Variants in ERICH5 observed in about 807,000 individuals in gnomAD.
ERICH5 encodes the protein glutamate-rich protein 5.
A neutral mutation model predicts 28.0 loss-of-function variants in ERICH5; 24 were observed. The observed-to-expected ratio is 0.86, with a 90% confidence interval of 0.62 to 1.21. ERICH5 has a LOEUF of 1.21. Ranked by LOEUF, ERICH5 falls within the 50% of genes most tolerant of loss-of-function variation. The pLI, the probability that ERICH5 is intolerant of heterozygous loss-of-function variation, is 0.00. For synonymous variants in ERICH5, 163 were observed against 157.6 expected, an observed-to-expected ratio of 1.03 and a Z score of -0.25; for missense variants, 421 against 441.2, an observed-to-expected ratio of 0.95 and a Z score of 0.41.
rs569050980 is a variant in ERICH5, at chr8:98,090,589, C to G, written c.1012+560C>G. Among the ~76,000 whole-genome samples the G allele has an allele frequency of 4.1e-5, 6 of 146,954 alleles. No homozygotes were observed. In the East Asian group the frequency reaches 1.2e-3, roughly 29 times the overall value. On this transcript the variant is annotated intron_variant, in intron 2 of 2. Transcript: ENST00000318528. ...ACCTGCCTGGGCAACATAGTGAGAC[C>G]TTGTTCTCCAGAAAAAAAAAAAAAA...
rs779606450 is a variant in ERICH5, at chr8:98,089,126, G to A, written c.109G>A (p.Ala37Thr). Residue 37 changes from alanine to threonine, a missense_variant, in exon 2 of 3, where the codon GCC becomes ACC. Coordinates refer to ENST00000318528, the MANE Select transcript of ERICH5 (RefSeq NM_173549.3). Reference protein sequence around the residue: ...STAEESESCFAQPKPHALGRE... With the variant: ...STAEESESCFTQPKPHALGRE... The stretch of plus-strand genomic sequence containing the variant: ...TGCAGAAGAAAGTGAGTCCTGCTTT[G>A]CCCAACCAAAGCCACATGCACTGGG... 5 of 1,614,012 alleles carry A rather than the reference G, an allele frequency of 3.1e-6. No individual in the cohort carries two copies. The Admixed American group carries it at 8.3e-5, about 27-fold the overall frequency.
At position 98,068,990 on chromosome 8, in the gene ERICH5, A is replaced by G. The variant is rs1212281542; in HGVS notation, c.58+4263A>G. Among the ~76,000 whole-genome samples the G allele has an allele frequency of 2.6e-5, 4 of 152,212 alleles. No homozygotes were observed. In the East Asian group the frequency reaches 7.7e-4, roughly 29 times the overall value. ...CAGTCATACCTTCAGTTTTCACCCAATATTTCACACTCTGACATCTAGTTA... is the reference window on the plus strand; with the variant it reads ...CAGTCATACCTTCAGTTTTCACCCAGTATTTCACACTCTGACATCTAGTTA... On this transcript the variant is annotated intron_variant, in intron 1 of 2. Transcript: ENST00000318528.
chr8:98,078,312 G>A (rs1330919482), intron 1 of ERICH5, among the ~76,000 whole-genome samples: 1 of 152,186 alleles, frequency 6.6e-6, no homozygotes, highest in Non-Finnish European at 1.5e-5. Flanking sequence ...AGGAAGATGA[G>A]TGGACTACTC....
chr8:98,070,083 G>C (rs931186745), intron 1 of ERICH5, among the ~76,000 whole-genome samples: 1 of 152,134 alleles, frequency 6.6e-6, no homozygotes, highest in Non-Finnish European at 1.5e-5. Context: ...GGTCTAGTAA[G>C]CCTACTTACT....
At chr8:98,072,356 C>T (rs533161683) in intron 1 of ERICH5, among the ~76,000 whole-genome samples, 4 of 152,128 alleles carry the variant, frequency 2.6e-5, no homozygotes, top group Admixed American at 6.6e-5. Flanking sequence ...TGTTGGTGGC[C>T]GGGTGCAGTG....
At chr8:98,074,969 G>C (rs1026193239) in intron 1 of ERICH5, among the ~76,000 whole-genome samples, 6 of 152,166 alleles carry the variant, frequency 3.9e-5, no homozygotes, top group African/African-American at 1.4e-4. Flanking sequence ...GAGTTTCTCA[G>C]ATTGTCCTTG....
rs182080767 is a variant in ERICH5, at chr8:98,089,209, G to C, written c.192G>C (p.Lys64Asn). ...VQRESRPPLQ[K>N]LKVSAEPTAN... The stretch of plus-strand genomic sequence containing the variant: ...GGGAAAGCCGTCCTCCCTTACAAAA[G>C]CTCAAGGTTTCAGCAGAGCCTACAG... The change falls in exon 2 of 3, where the codon AAG becomes AAC. Residue 64 changes from lysine to asparagine, a missense_variant. Transcript: ENST00000318528. The C allele has an allele frequency of 1.1e-5, 18 of 1,614,164 alleles. No individual in the cohort carries two copies. The Admixed American group carries it at 2.5e-4, about 22-fold the overall frequency.
intron 2 of ERICH5, among the ~76,000 whole-genome samples, chr8:98,090,622 A>G (rs1331125948): frequency 6.6e-6 from 1 of 151,702 alleles, no homozygotes; most frequent in Non-Finnish European, 1.5e-5. Context: ...AAAAGAAAGA[A>G]AAAAGGAAAA....
chr8:98,080,712 C>T (rs1354233700), intron 1 of ERICH5, among the ~76,000 whole-genome samples: 1 of 142,232 alleles, frequency 7.0e-6, no homozygotes, highest in Admixed American at 7.1e-5. Flanking sequence ...CCCCCCTCCC[C>T]CTCCCTCTCC....
intron 1 of ERICH5, among the ~76,000 whole-genome samples, chr8:98,084,060 T>TAA (rs1368590050): frequency 8.8e-4 from 134 of 151,896 alleles, no homozygotes; most frequent in South Asian, 1.0e-3. Flanking sequence ...TTAATTTTTT[T>TAA]TTTTTTTTTG....
chr8:98,077,332 T>C (rs1380290044), intron 1 of ERICH5, among the ~76,000 whole-genome samples: 1 of 152,186 alleles, frequency 6.6e-6, no homozygotes, highest in African/African-American at 2.4e-5. Flanking sequence ...TTCCTTCCTG[T>C]CTCCTTTCCT....
chr8:98,090,237 A>G lies in ERICH5; in HGVS notation c.1012+208A>G, dbSNP rs531035001. On this transcript the variant is annotated intron_variant, in intron 2 of 2. Coordinates refer to ENST00000318528, the MANE Select transcript of ERICH5 (RefSeq NM_173549.3). ...GTCAGCAAAACTTTTCCGAAACATC[A>G]TCTCTGTCCAAAATTTTAACCTAGT... 2.0e-5 allele frequency among the ~76,000 whole-genome samples: 3 copies of G among 152,328 alleles called. No homozygotes were observed. The South Asian group carries it at 6.2e-4, about 32-fold the overall frequency.
intron 1 of ERICH5, among the ~76,000 whole-genome samples, chr8:98,075,785 C>CTTTTTTTTTTTTT (rs1296283210): frequency 0.23 from 18,310 of 80,136 alleles, 4,783 homozygotes; most frequent in Non-Finnish European, 0.31. Flanking sequence ...GCACACCTGC[C>CTTTTTTTTTTTTT]TTTTTTTTTT....
rs753050492 is a variant in ERICH5, at chr8:98,093,241, GAAAC to G, written c.1035_1038del (p.Asp347TrpfsTer6). 9.9e-6 allele frequency: 16 copies of G among 1,613,598 alleles called. No individual in the cohort carries two copies. The East Asian group carries it at 1.3e-4, about 13-fold the overall frequency. On this transcript the variant is annotated frameshift_variant, in exon 3 of 3. Coordinates refer to ENST00000318528, the MANE Select transcript of ERICH5 (RefSeq NM_173549.3). LOFTEE classifies it high-confidence loss of function. ...TCCAGGTGAGACAGGGGAAAAGGTG[GAAAC>G]AGACATGGAGAATGAGAAAGTGAGT...
intron 1 of ERICH5, among the ~76,000 whole-genome samples, chr8:98,084,668 A>T (rs1815240388): frequency 6.6e-6 from 1 of 152,208 alleles, no homozygotes; most frequent in Admixed American, 6.5e-5. Context: ...GGTGTGAGCC[A>T]CCGCACCCAG....
rs1442809055 is a variant in ERICH5 at position 98,073,492 on chromosome 8, A to C, written c.58+8765A>C. ...TATATATATATATATATATGTATAT[A>C]TATATATATATATATATATATATGT... On this transcript the variant is annotated intron_variant, in intron 1 of 2. Coordinates refer to ENST00000318528, the MANE Select transcript of ERICH5 (RefSeq NM_173549.3). Among the ~76,000 whole-genome samples the C allele has an allele frequency of 5.6e-3, 16 of 2,858 alleles. 4 individuals carry two copies. The highest frequency in any genetic ancestry group is 0.034 in the South Asian group (2 of 58). The allele number at this position is 2,858 out of a possible 152,430, so 1.9% of individuals were successfully genotyped here. A position where few individuals can be genotyped will look rare whatever the true frequency, so the allele number is the denominator to read the frequency against.
intron 2 of ERICH5, among the ~76,000 whole-genome samples, chr8:98,092,534 G>A (rs1202037373): frequency 6.6e-6 from 1 of 152,116 alleles, no homozygotes; most frequent in East Asian, 1.9e-4. Context: ...TGAACTCCTG[G>A]CCTCAAGTGA....
Position 98,093,488 on chromosome 8 carries a change from T to C in ERICH5, c.*155T>C. ...TGGAACCATGAGAAGGATGTTTCTG[T>C]GTTCTTGATTATATTGTTCTGCAAA... On this transcript the variant is annotated 3_prime_UTR_variant, in exon 3 of 3. Coordinates refer to ENST00000318528, the MANE Select transcript of ERICH5 (RefSeq NM_173549.3). The C allele has an allele frequency of 2.0e-6, 1 of 512,370 alleles. No homozygotes were observed. Among genetic ancestry groups the C allele is most frequent in the Admixed American group, 3.6e-5 (1 of 27,880 alleles). The allele number at this position is 512,370 out of a possible 1,614,324, so 31.7% of individuals were successfully genotyped here. A position where few individuals can be genotyped will look rare whatever the true frequency, so the allele number is the denominator to read the frequency against.
At chr8:98,075,985 G>A (rs900414198) in intron 1 of ERICH5, among the ~76,000 whole-genome samples, 23 of 151,896 alleles carry the variant, frequency 1.5e-4, no homozygotes, top group African/African-American at 5.6e-4. Flanking sequence ...ACCGAACCTG[G>A]CAAGCAGCCA....
Sources: gnomAD v4.1 joint callset for allele counts (sites outside exome capture counted in the v4.1 genomes callset) on GRCh38, gnomAD v4.1.1 for gene constraint, MANE v1.5 for transcripts, NCBI Gene and HGNC (gene_info 2026-07-23, HGNC 2026-07-21) for gene names.